SERPINE2: variants seen among roughly 807,000 people sequenced by gnomAD.
The protein encoded by SERPINE2 is serpin family E member 2.
SERPINE2 carries 14 observed loss-of-function variants against 36.3 expected under a neutral mutation model. The observed-to-expected ratio is 0.39, with a 90% CI of 0.25 to 0.60. SERPINE2 has a LOEUF of 0.60. SERPINE2 is among the 20% of genes least tolerant of loss of function. The pLI is 0.57. For synonymous variants in SERPINE2, 192 were observed against 191.8 expected (o/e 1.00, Z -0.01); for missense variants, 418 against 499.6 (o/e 0.84, Z 1.56).
Position 223,991,962 on chromosome 2 carries a change from C to T in SERPINE2, c.526G>A (p.Gly176Ser), listed in dbSNP as rs752681369. 1.2e-6 allele frequency: 2 copies of T among 1,613,790 alleles called. No homozygotes were observed. Among genetic ancestry groups the T allele is most frequent in the Non-Finnish European group, 1.7e-6 (2 of 1,179,900 alleles). ...ACGAGGACCAGTCTGGTGAGCACAC[C>T]ATCAATAAGATCTGGGGACAGCAGA... ...DNLLSPDLID[G>S]VLTRLVLVNA... The change falls in exon 4 of 9, where the codon GGT becomes AGT. Residue 176 changes from glycine (G) to serine (S), a missense_variant. Transcript: ENST00000409304.
In SERPINE2 at chr2:223,998,117, C is replaced by G; in HGVS notation, c.485G>C (p.Arg162Thr). The G allele has an allele frequency of 6.2e-7, 1 of 1,613,386 alleles. No individual in the cohort carries two copies. The highest frequency in any genetic ancestry group is 8.5e-7 in the Non-Finnish European group (1 of 1,179,318). The part of the protein sequence containing the change: ...SINAWVKNET[R>T]DMIDNLLSPD... The stretch of plus-strand genomic sequence containing the variant: ...AATGACATACTGCGGCCACTCACCC[C>G]TGGTTTCATTTTTAACCCATGCATT... The change falls in exon 3 of 9, where the codon AGG becomes ACG. Residue 162 changes from arginine to threonine, a missense_variant and splice_region_variant. Coordinates refer to ENST00000409304, the MANE Select transcript of SERPINE2 (RefSeq NM_001136528.2).
chr2:223,977,830 C>T, intron 7 of SERPINE2: 1 of 529,674 alleles, frequency 1.9e-6, no homozygotes, highest in South Asian at 2.1e-5. Context: ...CTTTACATTA[C>T]TCTCTCATGT....
intron 3 of SERPINE2, among the ~76,000 whole-genome samples, chr2:223,994,470 A>ATCCG (rs1416079958): frequency 6.6e-6 from 1 of 152,216 alleles, no homozygotes; most frequent in Non-Finnish European, 1.5e-5. Flanking sequence ...TGCATCTATC[A>ATCCG]TCCGTCCGTC....
chr2:224,012,465 T>G (rs1691662346), intron 1 of SERPINE2, among the ~76,000 whole-genome samples: 1 of 151,850 alleles, frequency 6.6e-6, no homozygotes, highest in Non-Finnish European at 1.5e-5. Flanking sequence ...TAGCCAGGTG[T>G]GGTGGCGGGT....
chr2:224,020,774 T>A (rs576050192), intron 1 of SERPINE2, among the ~76,000 whole-genome samples: 12 of 152,346 alleles, frequency 7.9e-5, no homozygotes, highest in Admixed American at 3.3e-4. Flanking sequence ...ACTGCACATA[T>A]AATGCATGAT....
At chr2:224,015,086 G>A (rs188560329) in intron 1 of SERPINE2, among the ~76,000 whole-genome samples, 40 of 152,188 alleles carry the variant, frequency 2.6e-4, no homozygotes, top group Middle Eastern at 3.4e-3. Context: ...CTGCTAGGTG[G>A]GGGGAGGCCA....
At chr2:224,038,488 A>ACCTGCAGTCACTCATCCGC (rs777960642) in intron 1 of SERPINE2, 1 of 1,551,338 alleles carries the variant, frequency 6.4e-7, no homozygotes, top group South Asian at 1.2e-5. Flanking sequence ...CTTTCATTTT[A>ACCTGCAGTCACTCATCCGC]CCTGCAGTCA....
chr2:224,019,111 C>T (rs959734950), intron 1 of SERPINE2, among the ~76,000 whole-genome samples: 3 of 152,150 alleles, frequency 2.0e-5, no homozygotes, highest in Non-Finnish European at 4.4e-5. Flanking sequence ...CGTTCTAAGA[C>T]CCTCAGTGGA....
intron 1 of SERPINE2, among the ~76,000 whole-genome samples, chr2:224,032,162 A>C (rs763859954): frequency 7.2e-5 from 11 of 152,242 alleles, no homozygotes; most frequent in Non-Finnish European, 1.3e-4. Flanking sequence ...AAACTGCAGA[A>C]ATAAATTTTA....
chr2:224,006,128 A>G (rs1691414827), intron 1 of SERPINE2, among the ~76,000 whole-genome samples: 1 of 152,262 alleles, frequency 6.6e-6, no homozygotes, highest in South Asian at 2.1e-4. Flanking sequence ...AATAGCAGAC[A>G]TTAGAGGAAC....
At chr2:223,985,300 CTT>C (rs35920706) in intron 4 of SERPINE2, among the ~76,000 whole-genome samples, 11,536 of 145,664 alleles carry the variant, frequency 0.079, 648 homozygotes, top group East Asian at 0.18. Flanking sequence ...AGAATCATTC[CTT>C]TTTTTTTTTT....
chr2:224,004,213 G>C (rs1316984840), intron 1 of SERPINE2, among the ~76,000 whole-genome samples: 1 of 152,188 alleles, frequency 6.6e-6, no homozygotes, highest in African/African-American at 2.4e-5. Flanking sequence ...TCTGAGGGAA[G>C]AGCCACCATC....
At chr2:223,976,939 G>A (rs1352382936) in intron 8 of SERPINE2, among the ~76,000 whole-genome samples, 1 of 152,200 alleles carries the variant, frequency 6.6e-6, no homozygotes, top group Non-Finnish European at 1.5e-5. Flanking sequence ...CATAGGAGCA[G>A]TTTCCCCCAT....
chr2:224,018,365 A>G (rs1691870535), intron 1 of SERPINE2, among the ~76,000 whole-genome samples: 1 of 152,228 alleles, frequency 6.6e-6, no homozygotes, highest in Non-Finnish European at 1.5e-5. Flanking sequence ...AGTGGTCAAC[A>G]CATTCCATGA....
At chr2:224,021,898 G>A (rs1468806233) in intron 1 of SERPINE2, among the ~76,000 whole-genome samples, 2 of 152,098 alleles carry the variant, frequency 1.3e-5, no homozygotes, top group Admixed American at 1.3e-4. Flanking sequence ...GGTGGCTCAC[G>A]CCTGTAATCC....
chr2:224,007,104 A>G (rs956667711), intron 1 of SERPINE2, among the ~76,000 whole-genome samples: 1 of 152,262 alleles, frequency 6.6e-6, no homozygotes, highest in South Asian at 2.1e-4. Flanking sequence ...TTATGAAATA[A>G]AAGTTTACAT....
intron 1 of SERPINE2, among the ~76,000 whole-genome samples, chr2:224,016,952 T>C (rs1475920129): frequency 1.3e-5 from 2 of 152,150 alleles, no homozygotes; most frequent in Non-Finnish European, 2.9e-5. Flanking sequence ...AGATCAGTAG[T>C]CACCAGAAGT....
chr2:224,024,261 CT>C (rs1692109142), intron 1 of SERPINE2, among the ~76,000 whole-genome samples: 1 of 152,088 alleles, frequency 6.6e-6, no homozygotes, highest in African/African-American at 2.4e-5. Context: ...CAAAGAAAAT[CT>C]CAAAAAAATT....
intron 1 of SERPINE2, among the ~76,000 whole-genome samples, chr2:224,019,272 A>G (rs911974187): frequency 3.3e-5 from 5 of 152,024 alleles, no homozygotes; most frequent in African/African-American, 1.2e-4. Flanking sequence ...TGTTTTTTAT[A>G]TATTATACAT....
Sources: gnomAD v4.1 joint callset for allele counts (sites outside exome capture counted in the v4.1 genomes callset) on GRCh38, gnomAD v4.1.1 for gene constraint, MANE v1.5 for transcripts, NCBI Gene and HGNC (gene_info 2026-07-23, HGNC 2026-07-21) for gene names.